ASTN1: variants seen among roughly 807,000 people sequenced by gnomAD.
The protein encoded by ASTN1 is astrotactin 1.
In ASTN1, 41 loss-of-function variants were observed where a neutral mutation model predicts 140.7. That is an observed-to-expected ratio of 0.29 (90% CI 0.23 to 0.38). The LOEUF (loss-of-function observed/expected upper bound fraction) is 0.38. Among genes scored for constraint, ASTN1 ranks in the 10% least tolerant of loss-of-function variants. ASTN1 has a pLI of 1.00. For synonymous variants in ASTN1, 640 were observed against 652.2 expected, an observed-to-expected ratio of 0.98 and a Z score of 0.29; for missense variants, 1,479 against 1,678.8, an observed-to-expected ratio of 0.88 and a Z score of 2.08.
rs563954795 is a variant in ASTN1, at chr1:176,889,431, A to C, written c.2941-1227T>G. Among the ~76,000 whole-genome samples, 29 of 152,346 alleles carry C rather than the reference A, an allele frequency of 1.9e-4. No individual in the cohort carries two copies. The East Asian group carries it at 4.8e-3, about 25-fold the overall frequency. On this transcript the variant is annotated intron_variant, in intron 17 of 22. Coordinates refer to ENST00000361833, the MANE Select transcript of ASTN1 (RefSeq NM_004319.3). The stretch of plus-strand genomic sequence containing the variant: ...CTAATCAGTAAATTAGAAAAGTGAA[A>C]CCTGGCTATCCTTGAAAATTTTAGA...
chr1:177,156,376 T>C (rs1571862497), intron 1 of ASTN1, among the ~76,000 whole-genome samples: 1 of 151,596 alleles, frequency 6.6e-6, no homozygotes, highest in Non-Finnish European at 1.5e-5. Context: ...GAGAAGCTTG[T>C]AGTGACAGGA....
At chr1:177,017,194 T>C (rs966307659) in intron 7 of ASTN1, among the ~76,000 whole-genome samples, 1 of 152,236 alleles carries the variant, frequency 6.6e-6, no homozygotes, top group Non-Finnish European at 1.5e-5. Flanking sequence ...TTATGAGGCT[T>C]CCGTCACTCA....
At chr1:177,015,072 C>A (rs228019) in intron 7 of ASTN1, among the ~76,000 whole-genome samples, 197 bp from the exon 8 acceptor site, 90,154 of 151,976 alleles carry the variant, frequency 0.59, 27,525 homozygotes, top group African/African-American at 0.71. Context: ...CAATCTCTCC[C>A]TTCTCCAGTG....
intron 2 of ASTN1, among the ~76,000 whole-genome samples, chr1:177,049,560 G>T (rs1223148327): frequency 1.3e-5 from 2 of 152,106 alleles, no homozygotes; most frequent in African/African-American, 4.8e-5. Context: ...GCTCAGGAAG[G>T]TCAAGGAGCT....
chr1:176,921,528 A>C (rs1312468294), intron 16 of ASTN1, among the ~76,000 whole-genome samples: 2 of 152,250 alleles, frequency 1.3e-5, no homozygotes, highest in Non-Finnish European at 1.5e-5. Context: ...AAATACAAAA[A>C]AGGTAGTAAA....
At chr1:177,081,846 T>C (rs1189079181) in intron 1 of ASTN1, among the ~76,000 whole-genome samples, 1 of 152,172 alleles carries the variant, frequency 6.6e-6, no homozygotes, top group East Asian at 1.9e-4. Context: ...AGAGTCAAGC[T>C]AAGAGTGGTT....
chr1:177,014,402 G>C (rs1033275299), intron 8 of ASTN1, among the ~76,000 whole-genome samples: 1 of 152,146 alleles, frequency 6.6e-6, no homozygotes, highest in Admixed American at 6.5e-5. Context: ...ACTCATGTCA[G>C]TCTTGCAAAG....
Position 176,956,819 on chromosome 1 carries a change from T to C in ASTN1, c.1887+859A>G, listed in dbSNP as rs117220273. On this transcript the variant is annotated intron_variant, in intron 11 of 22. Transcript: ENST00000361833. ...CTGCTCCTGCCTCCATTTCCCTGCATGGCGCAGTTCAGTCTTCACATCCAT... is the reference window on the plus strand; with the variant it reads ...CTGCTCCTGCCTCCATTTCCCTGCACGGCGCAGTTCAGTCTTCACATCCAT... 3.7e-3 allele frequency among the ~76,000 whole-genome samples: 562 copies of C among 152,350 alleles called. 9 individuals carry two copies. In the East Asian group the frequency reaches 0.069, roughly 19 times the overall value.
Position 176,996,560 on chromosome 1 carries a change from G to A in ASTN1, c.1523+18231C>T, listed in dbSNP as rs796717273. The stretch of plus-strand genomic sequence containing the variant: ...CTGAAAGAATGGGGAGAGGTTTTGC[G>A]ATAGCATCACCAGCCCTCTCTCTGG... On this transcript the variant is annotated intron_variant, in intron 8 of 22. Coordinates refer to ENST00000361833, the MANE Select transcript of ASTN1 (RefSeq NM_004319.3). 9.2e-5 allele frequency among the ~76,000 whole-genome samples: 14 copies of A among 152,250 alleles called. 1 individual carries two copies. Among genetic ancestry groups the A allele is most frequent in the African/African-American group, 3.1e-4 (13 of 41,560 alleles).
intron 6 of ASTN1, among the ~76,000 whole-genome samples, chr1:177,023,950 G>A (rs1041651179): frequency 4.6e-5 from 7 of 152,178 alleles, no homozygotes; most frequent in African/African-American, 1.4e-4. Flanking sequence ...CTGTCTTCAC[G>A]TGCTATGAGA....
chr1:176,857,686 T>C, downstream of ASTN1: 1 of 557,556 alleles, frequency 1.8e-6, no homozygotes, highest in Non-Finnish European at 3.2e-6. Context: ...GTTTCAATAG[T>C]TTATAAGAGT....
chr1:176,948,317 A>G (rs1672039207), intron 12 of ASTN1, among the ~76,000 whole-genome samples: 1 of 142,696 alleles, frequency 7.0e-6, no homozygotes, highest in Non-Finnish European at 1.5e-5. Flanking sequence ...GGGAGAATGG[A>G]GAGTGGGGGA....
intron 1 of ASTN1, among the ~76,000 whole-genome samples, chr1:177,118,796 A>T (rs1681229829): frequency 6.6e-6 from 1 of 152,172 alleles, no homozygotes; most frequent in Non-Finnish European, 1.5e-5. Context: ...GGCTTGGGAA[A>T]TGCTGTTGGT....
chr1:177,002,949 T>C (rs944015807), intron 8 of ASTN1, among the ~76,000 whole-genome samples: 4 of 149,708 alleles, frequency 2.7e-5, no homozygotes, highest in Non-Finnish European at 3.0e-5. Flanking sequence ...AGACCAATAA[T>C]AAGCAGTGAG....
intron 8 of ASTN1, among the ~76,000 whole-genome samples, chr1:176,993,364 G>A (rs1158403257): frequency 2.0e-5 from 3 of 152,168 alleles, no homozygotes; most frequent in Admixed American, 1.3e-4. Flanking sequence ...GCTATATGTG[G>A]GTGCTATGGA....
At position 176,862,740 on chromosome 1, in the gene ASTN1, T is replaced by C. The variant is rs984300115; in HGVS notation, c.*1544A>G. On this transcript the variant is annotated 3_prime_UTR_variant, in exon 23 of 23. Coordinates refer to ENST00000361833, the MANE Select transcript of ASTN1 (RefSeq NM_004319.3). ...ACAAGAATAGCACTTTCCTCAGGAG[T>C]TGCTGTGAGAATTCAATGATACCTA... is the stretch of plus-strand genomic sequence containing the variant. The C allele has an allele frequency of 3.2e-6, 3 of 933,506 alleles. No individual in the cohort carries two copies. The highest frequency in any genetic ancestry group is 3.6e-5 in the African/African-American group (2 of 55,952). The allele number at this position is 933,506 out of a possible 1,614,324, so 57.8% of individuals were successfully genotyped here.
chr1:177,079,566 T>C (rs1243554293), intron 1 of ASTN1, among the ~76,000 whole-genome samples: 1 of 152,092 alleles, frequency 6.6e-6, no homozygotes, highest in African/African-American at 2.4e-5. Flanking sequence ...TTCCCATTGT[T>C]CTCTGTTATG....
chr1:176,883,299 C>G (rs1668888363), intron 19 of ASTN1, among the ~76,000 whole-genome samples: 1 of 147,026 alleles, frequency 6.8e-6, no homozygotes, highest in African/African-American at 2.5e-5. Flanking sequence ...GTGGCGCGAT[C>G]TTGTCTCACT....
At chr1:176,958,641 C>T (rs1371661334) in intron 9 of ASTN1, among the ~76,000 whole-genome samples, 159 bp from the exon 10 acceptor site, 1 of 152,200 alleles carries the variant, frequency 6.6e-6, no homozygotes, top group African/African-American at 2.4e-5. Context: ...TCTAAGGAGG[C>T]AGAGAGGCCA....
Sources: gnomAD v4.1 joint callset for allele counts (sites outside exome capture counted in the v4.1 genomes callset) on GRCh38, gnomAD v4.1.1 for gene constraint, MANE v1.5 for transcripts, NCBI Gene and HGNC (gene_info 2026-07-23, HGNC 2026-07-21) for gene names.